The following NCOA6 variants were observed in gnomAD, a reference collection of about 807,000 sequenced individuals.
NCOA6 encodes NRC RAP250.
In NCOA6, 49 loss-of-function variants were observed where a neutral mutation model predicts 171.4. That is an observed-to-expected ratio of 0.29 (90% CI 0.23 to 0.36). NCOA6 has a LOEUF of 0.36. NCOA6 is among the 10% of genes least tolerant of loss of function. The probability of loss-of-function intolerance (pLI) is 1.00; values close to 1 mark genes in which losing one functional copy is unlikely to be tolerated. For synonymous variants in NCOA6, 910 were observed against 927.5 expected (o/e 0.98, Z 0.34); for missense variants, 2,248 against 2,554.5 (o/e 0.88, Z 2.59).
intron 5 of NCOA6, 33 bp from the exon 6 acceptor site, chr20:34,758,966 A>AT: frequency 6.2e-7 from 1 of 1,600,302 alleles, no homozygotes. Flanking sequence ...AGAGTACTGG[A>AT]ATTGGCACAA....
At chr20:34,717,441 A>G (rs997387024) in intron 14 of NCOA6, among the ~76,000 whole-genome samples, 5 of 151,930 alleles carry the variant, frequency 3.3e-5, no homozygotes, top group Admixed American at 3.3e-4. Context: ...CAAGATTGAG[A>G]CTCCGTCTCA....
chr20:34,780,625 C>T (rs1388639795), intron 3 of NCOA6, among the ~76,000 whole-genome samples: 2 of 151,854 alleles, frequency 1.3e-5, no homozygotes, highest in Non-Finnish European at 2.9e-5. Flanking sequence ...GCTGGGATTA[C>T]AGGCATGAGC....
intron 3 of NCOA6, among the ~76,000 whole-genome samples, chr20:34,779,702 T>C (rs998435818): frequency 6.6e-6 from 1 of 152,188 alleles, no homozygotes; most frequent in Non-Finnish European, 1.5e-5. Flanking sequence ...TAGAGGAATA[T>C]GCTTTCTCAA....
chr20:34,747,631 T>A (rs1047894676), intron 9 of NCOA6, among the ~76,000 whole-genome samples: 5 of 152,154 alleles, frequency 3.3e-5, no homozygotes, highest in Non-Finnish European at 7.3e-5. Context: ...ATTGTACTTT[T>A]CTTTTCTATC....
In NCOA6 at chr20:34,743,262, T is replaced by C. The variant is rs1435183170; in HGVS notation, c.2994A>G (p.Pro998=). The change falls in exon 11 of 15, where the codon CCA becomes CCG. Residue 998 remains proline, a synonymous_variant. Coordinates refer to ENST00000359003, the MANE Select transcript of NCOA6 (RefSeq NM_014071.5). The stretch of plus-strand genomic sequence containing the variant: ...GCTGTGGCTGCTGCTGTGGTGGCTG[T>C]GGTGGGGGTGCCACATGCTGCATGA... ...PQLMQHVAPP[P]QPPQQQPQPQ... is the part of the protein sequence containing the mutation. 6.2e-7 allele frequency: 1 copy of C among 1,613,898 alleles called. No homozygotes were observed. The highest frequency in any genetic ancestry group is 2.2e-5 in the East Asian group (1 of 44,878).
chr20:34,720,422 A>G (rs776287773), intron 14 of NCOA6, among the ~76,000 whole-genome samples: 1 of 152,250 alleles, frequency 6.6e-6, no homozygotes, highest in Non-Finnish European at 1.5e-5. Flanking sequence ...CCCAGAAATC[A>G]TCCATCCCAC....
chr20:34,807,835 GT>G (rs916996003), intron 1 of NCOA6, among the ~76,000 whole-genome samples: 7 of 145,546 alleles, frequency 4.8e-5, no homozygotes, highest in Admixed American at 2.1e-4. Context: ...TTTTTTTTTA[GT>G]TTTTGTTTTT....
At chr20:34,739,751 G>A (rs2076073459) in intron 11 of NCOA6, among the ~76,000 whole-genome samples, 1 of 152,162 alleles carries the variant, frequency 6.6e-6, no homozygotes, top group African/African-American at 2.4e-5. Context: ...GACATAGTTG[G>A]TATAAAGATG....
chr20:34,756,151 T>C (rs1370728554), intron 7 of NCOA6, among the ~76,000 whole-genome samples: 1 of 152,204 alleles, frequency 6.6e-6, no homozygotes, highest in East Asian at 1.9e-4. Context: ...CCACTGTAAT[T>C]AAATCAGTAA....
chr20:34,811,943 G>C (rs902385283), intron 1 of NCOA6, among the ~76,000 whole-genome samples: 1 of 152,068 alleles, frequency 6.6e-6, no homozygotes, highest in African/African-American at 2.4e-5. Context: ...CCTTTCATGA[G>C]GTCCTTATAA....
intron 2 of NCOA6, among the ~76,000 whole-genome samples, chr20:34,791,528 C>T (rs2077885058): frequency 6.6e-6 from 1 of 152,246 alleles, no homozygotes; most frequent in East Asian, 1.9e-4. Flanking sequence ...ATGCACTGCT[C>T]ACCCTGGCAG....
At chr20:34,815,498 T>C (rs2078806978) in intron 1 of NCOA6, among the ~76,000 whole-genome samples, 1 of 152,170 alleles carries the variant, frequency 6.6e-6, no homozygotes, top group African/African-American at 2.4e-5. Flanking sequence ...TTTTCCTCAA[T>C]TCTTTCCAAT....
intron 1 of NCOA6, among the ~76,000 whole-genome samples, chr20:34,802,483 C>T (rs901836732): frequency 1.1e-4 from 17 of 152,150 alleles, no homozygotes; most frequent in Non-Finnish European, 2.2e-4. Context: ...TGCCTGTAAT[C>T]CCAGCTACCT....
At position 34,810,648 on chromosome 20, in the gene NCOA6, C is replaced by T. The variant is rs1408044046; in HGVS notation, c.-164+14824G>A. Among the ~76,000 whole-genome samples the T allele has an allele frequency of 3.9e-5, 6 of 152,186 alleles. No homozygotes were observed. In the South Asian group the frequency reaches 6.2e-4, roughly 16 times the overall value. On this transcript the variant is annotated intron_variant, in intron 1 of 14. Coordinates refer to ENST00000359003, the MANE Select transcript of NCOA6 (RefSeq NM_014071.5). ...TCGGCTCACTGCAAGCTCCGCCTCCCGGGTTCACGCCATTCTCCTGCCTCA... is the reference window on the plus strand; with the variant it reads ...TCGGCTCACTGCAAGCTCCGCCTCCTGGGTTCACGCCATTCTCCTGCCTCA...
chr20:34,803,142 G>A (rs2078312858), intron 1 of NCOA6, among the ~76,000 whole-genome samples: 1 of 151,990 alleles, frequency 6.6e-6, no homozygotes, highest in Non-Finnish European at 1.5e-5. Flanking sequence ...AATAATCAAT[G>A]ATCAAAAAGC....
At chr20:34,721,053 T>C (rs1989248109) in intron 14 of NCOA6, among the ~76,000 whole-genome samples, 2 of 152,008 alleles carry the variant, frequency 1.3e-5, no homozygotes, top group African/African-American at 2.4e-5. Context: ...CTCCTATAAC[T>C]CTTGTAATTT....
chr20:34,792,927 G>A (rs997723216), intron 1 of NCOA6, among the ~76,000 whole-genome samples: 1 of 151,832 alleles, frequency 6.6e-6, no homozygotes, highest in Non-Finnish European at 1.5e-5. Context: ...ACAGGCGCAT[G>A]CCACCACATC....
rs199796684 is a variant in NCOA6 at position 34,774,207 on chromosome 20, C to CA, written c.391+2085dup. On this transcript the variant is annotated intron_variant, in intron 4 of 14. Transcript: ENST00000359003. ...AAGCCTTTAAATAGGTAACAGAGAC[C>CA]AAAAAACATGTGGGGTTTTAAAGAA... 6.6e-5 allele frequency among the ~76,000 whole-genome samples: 10 copies of CA among 152,122 alleles called. No homozygotes were observed. In the East Asian group the frequency reaches 1.5e-3, roughly 23 times the overall value.
rs1158659965 is a variant in NCOA6, at chr20:34,816,018, T to A, written c.-164+9454A>T. 2.6e-5 allele frequency among the ~76,000 whole-genome samples: 4 copies of A among 152,276 alleles called. No individual in the cohort carries two copies. In the East Asian group the frequency reaches 7.7e-4, roughly 29 times the overall value. Reference sequence around the variant, plus strand: ...ACATTCAAATGTCTTAGACCTGGCATCCAGGGCCCCAAGAAAGTACGTCGG... The same window carrying A: ...ACATTCAAATGTCTTAGACCTGGCAACCAGGGCCCCAAGAAAGTACGTCGG... On this transcript the variant is annotated intron_variant, in intron 1 of 14. Transcript: ENST00000359003.
Sources: gnomAD v4.1 joint callset for allele counts (sites outside exome capture counted in the v4.1 genomes callset) on GRCh38, gnomAD v4.1.1 for gene constraint, MANE v1.5 for transcripts, NCBI Gene and HGNC (gene_info 2026-07-23, HGNC 2026-07-21) for gene names.